Variants in ANKH observed in about 807,000 individuals in gnomAD.
ANKH encodes the protein ANKH inorganic pyrophosphate transport regulator.
A neutral mutation model predicts 49.0 loss-of-function variants in ANKH; 15 were observed. The ratio of observed to expected loss-of-function variants is 0.31; its 90% CI spans 0.20 to 0.47. The LOEUF is 0.47. Ranked by LOEUF, ANKH falls within the 20% of genes least tolerant of loss-of-function variation. The probability of loss-of-function intolerance (pLI) is 1.00; values close to 1 mark genes in which losing one functional copy is unlikely to be tolerated. For synonymous variants in ANKH, 273 were observed against 260.0 expected, an observed-to-expected ratio of 1.05 and a Z score of -0.48; for missense variants, 429 against 652.0, an observed-to-expected ratio of 0.66 and a Z score of 3.72.
At chr5:14,853,542 A>T (rs1039487568) in intron 1 of ANKH, among the ~76,000 whole-genome samples, 10 of 152,136 alleles carry the variant, frequency 6.6e-5, no homozygotes, top group Admixed American at 4.6e-4. Flanking sequence ...GTGCCACTGC[A>T]CTCCAGCCTG....
chr5:14,730,924 C>T (rs78125253), intron 8 of ANKH, among the ~76,000 whole-genome samples: 16 of 151,990 alleles, frequency 1.1e-4, no homozygotes, highest in Non-Finnish European at 1.9e-4. Context: ...TAGGCTCTGG[C>T]GGGGGGAAAA....
intron 1 of ANKH, among the ~76,000 whole-genome samples, chr5:14,771,142 C>G (rs1739417549): frequency 6.6e-6 from 1 of 152,212 alleles, no homozygotes; most frequent in Admixed American, 6.5e-5. Context: ...CCAACGGGTG[C>G]TTGAAAGAGG....
At chr5:14,730,773 C>T (rs184476034) in intron 8 of ANKH, among the ~76,000 whole-genome samples, 7 of 152,340 alleles carry the variant, frequency 4.6e-5, no homozygotes, top group East Asian at 3.9e-4. Context: ...TTCTAGGAGG[C>T]GTTTCCTTTC....
intron 8 of ANKH, among the ~76,000 whole-genome samples, chr5:14,717,470 G>A (rs1737512926): frequency 6.6e-6 from 1 of 152,222 alleles, no homozygotes; most frequent in African/African-American, 2.4e-5. Context: ...GGAAAGTGGA[G>A]CTCTCTCCCC....
chr5:14,851,807 A>G (rs1742129673), intron 1 of ANKH, among the ~76,000 whole-genome samples: 1 of 152,262 alleles, frequency 6.6e-6, no homozygotes, highest in African/African-American at 2.4e-5. Flanking sequence ...TCTCATTTAA[A>G]TGCTGAGCTT....
chr5:14,798,540 A>C (rs948422302), intron 1 of ANKH: 36 of 661,350 alleles, frequency 5.4e-5, no homozygotes, highest in Non-Finnish European at 8.0e-5. Flanking sequence ...CCCTGTGTCA[A>C]GCAAGTCTAT....
At chr5:14,785,190 T>C (rs1739935438) in intron 1 of ANKH, among the ~76,000 whole-genome samples, 1 of 152,044 alleles carries the variant, frequency 6.6e-6, no homozygotes, top group Admixed American at 6.5e-5. Flanking sequence ...AAAAGACGAA[T>C]ATCCATAGGT....
intron 1 of ANKH, among the ~76,000 whole-genome samples, chr5:14,793,092 A>T (rs1380019220): frequency 1.2e-4 from 16 of 137,868 alleles, no homozygotes; most frequent in East Asian, 8.5e-4. Context: ...TATATATATA[A>T]ATATTTATTT....
At chr5:14,838,903 G>A (rs1212606720) in intron 1 of ANKH, among the ~76,000 whole-genome samples, 1 of 152,130 alleles carries the variant, frequency 6.6e-6, no homozygotes, top group African/African-American at 2.4e-5. Flanking sequence ...GTTGGCCAAG[G>A]AACCGACTCG....
At chr5:14,804,162 C>G (rs1290205646) in intron 1 of ANKH, among the ~76,000 whole-genome samples, 2 of 152,174 alleles carry the variant, frequency 1.3e-5, no homozygotes, top group Non-Finnish European at 2.9e-5. Context: ...TCCCAAAGTG[C>G]TGGGATTATA....
At chr5:14,742,897 G>A (rs1036563754) in intron 7 of ANKH, among the ~76,000 whole-genome samples, 4 of 152,202 alleles carry the variant, frequency 2.6e-5, no homozygotes, top group Admixed American at 6.5e-5. Context: ...CTGGCCCCCA[G>A]ACCACGAAAA....
Position 14,783,289 on chromosome 5 carries a change from TAC to T in ANKH, c.97-14100_97-14099del, listed in dbSNP as rs57904537. On this transcript the variant is annotated intron_variant, in intron 1 of 11. Coordinates refer to ENST00000284268, the MANE Select transcript of ANKH (RefSeq NM_054027.6). ...GCACAGAAGAGGGTCGCCACCATTC[TAC>T]ACACACACACACACACACACACACA... Among the ~76,000 whole-genome samples the T allele has an allele frequency of 6.5e-3, 942 of 144,582 alleles. 2 individuals are homozygous for T. The highest frequency in any genetic ancestry group is 0.017 in the South Asian group (75 of 4,398). The allele number at this position is 144,582 out of a possible 152,430, so 94.9% of individuals were successfully genotyped here.
At chr5:14,838,929 C>T (rs1399609799) in intron 1 of ANKH, among the ~76,000 whole-genome samples, 1 of 152,134 alleles carries the variant, frequency 6.6e-6, no homozygotes, top group Admixed American at 6.5e-5. Flanking sequence ...CACGTGAAGG[C>T]AAAGACCTGA....
At chr5:14,717,744 C>A (rs1223191582) in intron 8 of ANKH, among the ~76,000 whole-genome samples, 1 of 152,110 alleles carries the variant, frequency 6.6e-6, no homozygotes, top group Non-Finnish European at 1.5e-5. Context: ...ATGCTTGGGA[C>A]CAAAAGTGTT....
At chr5:14,852,004 G>A (rs1164113730) in intron 1 of ANKH, among the ~76,000 whole-genome samples, 1 of 152,218 alleles carries the variant, frequency 6.6e-6, no homozygotes, top group Admixed American at 6.5e-5. Context: ...ATTTGGGGCT[G>A]GGTGCAGTGG....
chr5:14,871,090 A>G, intron 1 of ANKH: 1 of 608,208 alleles, frequency 1.6e-6, no homozygotes, highest in Non-Finnish European at 3.1e-6. Context: ...CCGTGCACTA[A>G]AAACCCTTCC....
At chr5:14,778,669 C>T (rs1739710213) in intron 1 of ANKH, among the ~76,000 whole-genome samples, 1 of 152,196 alleles carries the variant, frequency 6.6e-6, no homozygotes, top group Admixed American at 6.5e-5. Flanking sequence ...CCTCTCATCG[C>T]TCCTCCTGTC....
chr5:14,761,074 G>A (rs1289672169), intron 2 of ANKH, among the ~76,000 whole-genome samples: 1 of 152,126 alleles, frequency 6.6e-6, no homozygotes. Context: ...AGAACTCAGT[G>A]TGAAGATGAA....
intron 1 of ANKH, among the ~76,000 whole-genome samples, chr5:14,771,396 C>T (rs1159389033): frequency 6.6e-6 from 1 of 152,196 alleles, no homozygotes; most frequent in Non-Finnish European, 1.5e-5. Flanking sequence ...AGAATGCTGA[C>T]ACAGCTGATC....
Sources: allele counts gnomAD v4.1 joint callset (sites outside exome capture counted in the v4.1 genomes callset), GRCh38; gene constraint gnomAD v4.1.1; transcripts MANE v1.5; gene names NCBI Gene and HGNC (gene_info 2026-07-23, HGNC 2026-07-21).